DENND5B: variants seen among roughly 807,000 people sequenced by gnomAD.
DENND5B encodes the protein DENN domain containing 5B.
A neutral mutation model predicts 140.6 loss-of-function variants in DENND5B; 34 were observed. That is an observed-to-expected ratio of 0.24 (90% confidence interval 0.18 to 0.32). The LOEUF (loss-of-function observed/expected upper bound fraction) is 0.32, where lower values mean the gene tolerates loss of function less well. Among genes scored for constraint, DENND5B ranks in the 10% least tolerant of loss-of-function variants. DENND5B has a pLI of 1.00. For synonymous variants in DENND5B, 551 were observed against 562.1 expected (o/e 0.98, Z 0.28); for missense variants, 1,142 against 1,560.2 (o/e 0.73, Z 4.52).
At chr12:31,535,073 CAAAAAAAAAAA>C (rs747166398) in intron 1 of DENND5B, 23 of 95,918 alleles carry the variant, frequency 2.4e-4, no homozygotes, top group Admixed American at 7.7e-4. Context: ...GACTCTGTCT[CAAAAAAAAAAA>C]AAAAAAAAAA....
At chr12:31,543,499 G>T (rs1253479901) in intron 1 of DENND5B, among the ~76,000 whole-genome samples, 1 of 152,114 alleles carries the variant, frequency 6.6e-6, no homozygotes, top group Admixed American at 6.6e-5. Context: ...AGGCTGTTAC[G>T]GAAGTTTAAG....
chr12:31,438,920 T>C (rs1943904490), intron 7 of DENND5B, among the ~76,000 whole-genome samples: 1 of 152,166 alleles, frequency 6.6e-6, no homozygotes, highest in African/African-American at 2.4e-5. Flanking sequence ...AACTGTGTCT[T>C]TGGCAGGCAG....
At chr12:31,453,606 A>G (rs954854742) in intron 4 of DENND5B, among the ~76,000 whole-genome samples, 22 of 152,160 alleles carry the variant, frequency 1.4e-4, no homozygotes, top group Admixed American at 4.6e-4. Context: ...ATGGTTGAAC[A>G]TAAGACATGG....
chr12:31,488,051 G>C (rs562003746), intron 2 of DENND5B, among the ~76,000 whole-genome samples: 36 of 152,030 alleles, frequency 2.4e-4, no homozygotes, highest in Non-Finnish European at 5.0e-4. Context: ...CACCTCCTGA[G>C]TTCAAGCAAT....
intron 3 of DENND5B, among the ~76,000 whole-genome samples, chr12:31,466,335 G>C (rs1289529309): frequency 1.3e-5 from 2 of 151,270 alleles, no homozygotes; most frequent in African/African-American, 2.4e-5. Context: ...CCTGGCAACA[G>C]AGTGAGACTC....
chr12:31,436,104 C>T (rs934147544), intron 7 of DENND5B, among the ~76,000 whole-genome samples: 1 of 150,478 alleles, frequency 6.6e-6, no homozygotes, highest in Admixed American at 6.7e-5. Flanking sequence ...TGCCTAAAGC[C>T]CCCCCACTTT....
At chr12:31,541,861 T>A (rs1297636676) in intron 1 of DENND5B, among the ~76,000 whole-genome samples, 1 of 152,232 alleles carries the variant, frequency 6.6e-6, no homozygotes, top group African/African-American at 2.4e-5. Context: ...GGAGCACTAT[T>A]CAGCCATAAA....
At chr12:31,452,584 G>C in intron 4 of DENND5B, 108 bp from the exon 5 acceptor site, 1 of 1,212,756 alleles carries the variant, frequency 8.2e-7, no homozygotes, top group Non-Finnish European at 1.1e-6. Flanking sequence ...AGCACTTTGG[G>C]AGGCCAAAGC....
At chr12:31,389,248 TG>T (rs1357781757) in intron 20 of DENND5B, 75 bp downstream of exon 20, 2 of 1,360,228 alleles carry the variant, frequency 1.5e-6, no homozygotes, top group African/African-American at 2.9e-5. Context: ...GGAAGGGGTA[TG>T]ATCTGGTATA....
At chr12:31,542,833 T>G (rs981139114) in intron 1 of DENND5B, among the ~76,000 whole-genome samples, 7 of 152,056 alleles carry the variant, frequency 4.6e-5, no homozygotes, top group Non-Finnish European at 1.0e-4. Context: ...GGCATGCAAC[T>G]GCAGTCCCAG....
At chr12:31,580,558 A>C (rs1157792102) in intron 1 of DENND5B, among the ~76,000 whole-genome samples, 1 of 152,042 alleles carries the variant, frequency 6.6e-6, no homozygotes, top group African/African-American at 2.4e-5. Flanking sequence ...GCAGCAGCGC[A>C]ATCTCAGCTC....
chr12:31,577,245 G>A (rs1950044959), intron 1 of DENND5B, among the ~76,000 whole-genome samples: 1 of 152,078 alleles, frequency 6.6e-6, no homozygotes, highest in Non-Finnish European at 1.5e-5. Context: ...AGAGTATGTT[G>A]TACTAGAAAA....
Position 31,480,155 on chromosome 12 carries a change from T to C in DENND5B, c.338A>G (p.Tyr113Cys). The change falls in exon 3 of 21, where the codon TAT becomes TGT. Residue 113 changes from tyrosine (Y) to cysteine (C), a missense_variant. Coordinates refer to ENST00000389082, the MANE Select transcript of DENND5B (RefSeq NM_144973.4). The stretch of plus-strand genomic sequence containing the variant: ...TTCATAAAAAGTGAGAACAAAACCA[T>C]AGGTGCGAGAACCATCTTCCCTGGT... ...IITREDGSRT[Y>C]GFVLTFYEEV... 3 of 1,607,746 alleles carry C rather than the reference T, an allele frequency of 1.9e-6. No homozygotes were observed. The highest frequency in any genetic ancestry group is 2.5e-6 in the Non-Finnish European group (3 of 1,176,828).
chr12:31,422,979 C>T (rs1049164925), intron 11 of DENND5B, among the ~76,000 whole-genome samples: 6 of 145,238 alleles, frequency 4.1e-5, no homozygotes, highest in African/African-American at 1.3e-4. Context: ...CTTGCTCTGT[C>T]ACCCAGGCTG....
At chr12:31,522,327 C>T (rs1226071191) in intron 1 of DENND5B, among the ~76,000 whole-genome samples, 1 of 152,232 alleles carries the variant, frequency 6.6e-6, no homozygotes, top group Non-Finnish European at 1.5e-5. Flanking sequence ...CTAAAATTTG[C>T]TGTACTCTGC....
chr12:31,413,077 T>C (rs1322652419), intron 13 of DENND5B, among the ~76,000 whole-genome samples: 1 of 152,156 alleles, frequency 6.6e-6, no homozygotes, highest in Non-Finnish European at 1.5e-5. Flanking sequence ...TGCGGCACCA[T>C]GCCCTGCTAA....
At chr12:31,429,359 G>A (rs1389121210) in intron 8 of DENND5B, among the ~76,000 whole-genome samples, 1 of 152,194 alleles carries the variant, frequency 6.6e-6, no homozygotes, top group Non-Finnish European at 1.5e-5. Flanking sequence ...GAAGTCAAAT[G>A]TAACAAGGTC....
intron 16 of DENND5B, 134 bp from the exon 17 acceptor site, chr12:31,398,496 C>A: frequency 3.9e-6 from 3 of 766,974 alleles, no homozygotes; most frequent in Non-Finnish European, 6.0e-6. Flanking sequence ...ATAGAGAGGT[C>A]TCATTACATT....
chr12:31,554,002 C>T (rs1949174401), intron 1 of DENND5B, among the ~76,000 whole-genome samples: 1 of 152,140 alleles, frequency 6.6e-6, no homozygotes, highest in Admixed American at 6.5e-5. Flanking sequence ...ACTGATGGGT[C>T]TTGACTCTTT....
Sources: gnomAD v4.1 joint callset for allele counts (sites outside exome capture counted in the v4.1 genomes callset) on GRCh38, gnomAD v4.1.1 for gene constraint, MANE v1.5 for transcripts, NCBI Gene and HGNC (gene_info 2026-07-23, HGNC 2026-07-21) for gene names.